Variants in CTNNA2 observed in about 807,000 individuals in gnomAD.
CTNNA2 encodes the protein catenin alpha 2.
A neutral mutation model predicts 101.0 loss-of-function variants in CTNNA2; 42 were observed. The observed-to-expected ratio is 0.42, with a 90% CI of 0.32 to 0.54. CTNNA2 has a LOEUF of 0.54. Ranked by LOEUF, CTNNA2 falls within the 20% of genes least tolerant of loss-of-function variation. CTNNA2 has a pLI of 0.14. For missense variants in CTNNA2, 871 were observed against 1,223.1 expected, an observed-to-expected ratio of 0.71 and a Z score of 4.29; for synonymous variants, 450 against 456.4, an observed-to-expected ratio of 0.99 and a Z score of 0.18.
intron 1 of CTNNA2, among the ~76,000 whole-genome samples, chr2:79,632,342 G>T (rs567432626): frequency 2.0e-5 from 3 of 152,100 alleles, no homozygotes; most frequent in African/African-American, 7.2e-5. Flanking sequence ...TTTTAGAACA[G>T]AACTTGGAAT....
At chr2:79,582,190 T>G (rs916131837) in intron 1 of CTNNA2, among the ~76,000 whole-genome samples, 4 of 152,222 alleles carry the variant, frequency 2.6e-5, no homozygotes, top group Non-Finnish European at 5.9e-5. Flanking sequence ...TGTACTTAAC[T>G]TTCTATCATT....
chr2:80,574,118 T>C, intron 12 of CTNNA2, 45 bp from the exon 13 acceptor site: 1 of 1,581,662 alleles, frequency 6.3e-7, no homozygotes, highest in Non-Finnish European at 8.6e-7. Flanking sequence ...TAAGAGGTAG[T>C]GAGAGAGAAA....
intron 4 of CTNNA2, among the ~76,000 whole-genome samples, chr2:79,436,372 G>A (rs1056221642): frequency 6.6e-6 from 1 of 152,170 alleles, no homozygotes; most frequent in East Asian, 1.9e-4. Context: ...GTGTCTAGTG[G>A]CTGGCTATCG....
At chr2:80,418,316 A>G (rs1680214759) in intron 8 of CTNNA2, among the ~76,000 whole-genome samples, 3 of 152,216 alleles carry the variant, frequency 2.0e-5, no homozygotes, top group Admixed American at 2.0e-4. Flanking sequence ...ATGATGTAAT[A>G]TGCAAAGATT....
intron 7 of CTNNA2, among the ~76,000 whole-genome samples, chr2:80,179,905 G>A (rs967635279): frequency 1.3e-5 from 2 of 152,174 alleles, no homozygotes; most frequent in African/African-American, 4.8e-5. Context: ...TTCTGGCACT[G>A]GAGAAGTGAC....
At chr2:80,299,100 G>T (rs1383636661) in intron 7 of CTNNA2, 1 of 152,092 alleles carries the variant, frequency 6.6e-6, no homozygotes, top group Non-Finnish European at 1.5e-5. Flanking sequence ...CCATCACAAT[G>T]CCCAGGACGA....
At chr2:80,527,400 C>A (rs1230950229) in intron 9 of CTNNA2, among the ~76,000 whole-genome samples, 1 of 152,170 alleles carries the variant, frequency 6.6e-6, no homozygotes, top group Non-Finnish European at 1.5e-5. Context: ...CTGGGCCCCA[C>A]CCCCATAGTT....
chr2:80,327,913 T>C (rs940381818), intron 7 of CTNNA2, among the ~76,000 whole-genome samples: 1 of 152,228 alleles, frequency 6.6e-6, no homozygotes, highest in Non-Finnish European at 1.5e-5. Flanking sequence ...AGAATTCCTT[T>C]CCCTGCTTTA....
chr2:79,721,145 T>C lies in CTNNA2; in HGVS notation c.103-23242T>C, dbSNP rs1386023975. 3.3e-5 allele frequency among the ~76,000 whole-genome samples: 5 copies of C among 152,222 alleles called. No individual in the cohort carries two copies. The East Asian group carries it at 7.7e-4, about 24-fold the overall frequency. On this transcript the variant is annotated intron_variant, in intron 2 of 18. Transcript: ENST00000402739. ...GTTCATGTAGTTTGCAGTTTGGTATTTTTTGTATTTTGTGTCTAGAGACTT... is the reference window on the plus strand; with the variant it reads ...GTTCATGTAGTTTGCAGTTTGGTATCTTTTGTATTTTGTGTCTAGAGACTT...
intron 2 of CTNNA2, among the ~76,000 whole-genome samples, chr2:79,272,039 A>G (rs1014490555): frequency 2.6e-5 from 4 of 152,038 alleles, no homozygotes; most frequent in Non-Finnish European, 5.9e-5. Flanking sequence ...ACTTACAGCA[A>G]TAATAATACC....
intron 12 of CTNNA2, among the ~76,000 whole-genome samples, chr2:80,571,576 TTAAA>T (rs68187179): frequency 0.17 from 25,881 of 152,132 alleles, 2,214 homozygotes; most frequent in Middle Eastern, 0.22. Context: ...ATGTATATGT[TTAAA>T]TAATGCACAG....
At chr2:79,829,899 T>G (rs1012592162) in intron 3 of CTNNA2, among the ~76,000 whole-genome samples, 2 of 151,678 alleles carry the variant, frequency 1.3e-5, no homozygotes, top group Non-Finnish European at 2.9e-5. Flanking sequence ...TTTTTTCTAT[T>G]TTTAGTAGAG....
intron 4 of CTNNA2, among the ~76,000 whole-genome samples, chr2:79,415,528 T>C (rs958069310): frequency 2.6e-5 from 4 of 152,170 alleles, no homozygotes; most frequent in Non-Finnish European, 5.9e-5. Flanking sequence ...TCTAGGAAGA[T>C]ATTTGGGGGA....
chr2:80,060,054 T>A (rs1484459696), intron 7 of CTNNA2, among the ~76,000 whole-genome samples: 1 of 152,244 alleles, frequency 6.6e-6, no homozygotes, highest in Admixed American at 6.5e-5. Context: ...CCAGGATTTC[T>A]CGATCTCACT....
intron 7 of CTNNA2, among the ~76,000 whole-genome samples, chr2:79,976,051 C>CCCAG (rs1314578727): frequency 6.6e-6 from 1 of 152,084 alleles, no homozygotes; most frequent in Non-Finnish European, 1.5e-5. Flanking sequence ...TCTAGGGATC[C>CCCAG]CCAGCCACCT....
intron 7 of CTNNA2, among the ~76,000 whole-genome samples, chr2:79,914,252 T>C (rs1360790825): frequency 1.3e-5 from 2 of 151,184 alleles, no homozygotes; most frequent in Non-Finnish European, 2.9e-5. Context: ...GAAAGGGGAG[T>C]TAAGTAGAAA....
chr2:79,762,740 T>C (rs985585062), intron 3 of CTNNA2, among the ~76,000 whole-genome samples: 15 of 152,202 alleles, frequency 9.9e-5, no homozygotes, highest in Non-Finnish European at 1.8e-4. Flanking sequence ...ATTCTGCTCT[T>C]TCATGTTCAT....
intron 2 of CTNNA2, among the ~76,000 whole-genome samples, chr2:79,260,269 A>G (rs901390338): frequency 2.0e-5 from 3 of 152,114 alleles, no homozygotes; most frequent in Admixed American, 2.0e-4. Context: ...CTCCCACTCA[A>G]TAGCTCCCTC....
At chr2:79,410,534 T>C (rs558073637) in intron 4 of CTNNA2, among the ~76,000 whole-genome samples, 14 of 152,208 alleles carry the variant, frequency 9.2e-5, no homozygotes, top group Admixed American at 6.5e-4. Context: ...TTTGTCAAAG[T>C]TCTTTTCTGC....
Sources: allele counts gnomAD v4.1 joint callset (sites outside exome capture counted in the v4.1 genomes callset), GRCh38; gene constraint gnomAD v4.1.1; transcripts MANE v1.5; gene names NCBI Gene and HGNC (gene_info 2026-07-23, HGNC 2026-07-21).